The following TRDN variants were observed in gnomAD, a reference collection of about 807,000 sequenced individuals.
TRDN encodes triadin in skeletal muscle.
A neutral mutation model predicts 149.7 loss-of-function variants in TRDN; 161 were observed. The observed-to-expected ratio is 1.08, with a 90% CI of 0.95 to 1.23. TRDN has a LOEUF of 1.23. Ranked by LOEUF, TRDN falls within the 50% of genes most tolerant of loss-of-function variation. The pLI is 0.00. For synonymous variants in TRDN, 294 were observed against 250.5 expected, an observed-to-expected ratio of 1.17 and a Z score of -1.64; for missense variants, 896 against 823.5, an observed-to-expected ratio of 1.09 and a Z score of -1.08.
intron 23 of TRDN, among the ~76,000 whole-genome samples, chr6:123,322,405 C>T (rs1422561431): frequency 6.6e-6 from 1 of 152,026 alleles, no homozygotes; most frequent in Admixed American, 6.6e-5. Flanking sequence ...TTTCCATTTT[C>T]TAATCTTTTG....
intron 10 of TRDN, among the ~76,000 whole-genome samples, chr6:123,451,559 G>T (rs1398773733): frequency 6.6e-6 from 1 of 151,960 alleles, no homozygotes; most frequent in African/African-American, 2.4e-5. Context: ...GGAAGAATTA[G>T]ATACCCTAAG....
chr6:123,429,733 TATG>T (rs1427895329), intron 12 of TRDN, among the ~76,000 whole-genome samples: 2 of 152,220 alleles, frequency 1.3e-5, no homozygotes, highest in African/African-American at 4.8e-5. Flanking sequence ...CAGGAAAATT[TATG>T]ATATTTGCAA....
intron 5 of TRDN, among the ~76,000 whole-genome samples, chr6:123,516,965 C>T (rs1336610446): frequency 1.3e-5 from 2 of 151,802 alleles, no homozygotes; most frequent in Non-Finnish European, 2.9e-5. Flanking sequence ...TATTATTTTC[C>T]CTAACTATCA....
intron 8 of TRDN, 82 bp downstream of exon 8, chr6:123,503,637 T>G (rs771530807): frequency 4.4e-6 from 7 of 1,579,400 alleles, no homozygotes; most frequent in Non-Finnish European, 6.0e-6. Context: ...TTTGGTCTTT[T>G]TCAACTTTTA....
At chr6:123,567,580 G>T (rs146528862) in intron 2 of TRDN, among the ~76,000 whole-genome samples, 1 of 152,062 alleles carries the variant, frequency 6.6e-6, no homozygotes, top group African/African-American at 2.4e-5. Context: ...TGAAGGGAAG[G>T]GGTAGCAGGC....
intron 10 of TRDN, chr6:123,464,463 A>G: frequency 1.0e-6 from 1 of 976,624 alleles, no homozygotes; most frequent in Non-Finnish European, 1.2e-6. Context: ...ATCATCTTAG[A>G]GATGGCAAAA....
intron 12 of TRDN, among the ~76,000 whole-genome samples, chr6:123,412,222 C>A (rs903425654): frequency 2.0e-5 from 3 of 152,148 alleles, no homozygotes; most frequent in African/African-American, 7.2e-5. Context: ...CAATTTACTT[C>A]CCAAGTCTAT....
At chr6:123,239,298 A>G (rs964459927) in intron 38 of TRDN, among the ~76,000 whole-genome samples, 3 of 152,184 alleles carry the variant, frequency 2.0e-5, no homozygotes, top group African/African-American at 7.2e-5. Flanking sequence ...ATAAACTGAT[A>G]ATTTCTCATC....
At chr6:123,588,170 G>C (rs566123041) in intron 1 of TRDN, among the ~76,000 whole-genome samples, 3 of 152,170 alleles carry the variant, frequency 2.0e-5, no homozygotes. Context: ...ATTCTCTACA[G>C]AATGTAGATT....
At chr6:123,398,231 T>A (rs1772815400) in intron 12 of TRDN, among the ~76,000 whole-genome samples, 1 of 152,214 alleles carries the variant, frequency 6.6e-6, no homozygotes, top group Admixed American at 6.5e-5. Flanking sequence ...GGTCTCGAAC[T>A]GCTGACCTCG....
At chr6:123,292,333 C>T (rs555105390) in intron 24 of TRDN, among the ~76,000 whole-genome samples, 18 of 152,214 alleles carry the variant, frequency 1.2e-4, no homozygotes, top group African/African-American at 4.3e-4. Flanking sequence ...TGGGTGGACA[C>T]TTATTGGCCC....
intron 2 of TRDN, among the ~76,000 whole-genome samples, chr6:123,559,372 G>A (rs994408139): frequency 1.3e-5 from 2 of 151,978 alleles, no homozygotes; most frequent in African/African-American, 4.8e-5. Flanking sequence ...ATCCCCACCT[G>A]CCCAGTTCCC....
chr6:123,504,028 T>C, intron 7 of TRDN, 127 bp from the exon 8 acceptor site: 1 of 996,712 alleles, frequency 1.0e-6, no homozygotes. Context: ...AGTGTTTATG[T>C]TAAGAACAGT....
intron 23 of TRDN, among the ~76,000 whole-genome samples, chr6:123,320,406 A>G (rs1779198654): frequency 6.6e-6 from 1 of 152,018 alleles, no homozygotes; most frequent in Non-Finnish European, 1.5e-5. Context: ...CTAATACATG[A>G]TAGTGCTTAG....
chr6:123,290,378 T>C (rs7740966), intron 24 of TRDN, among the ~76,000 whole-genome samples: 78,804 of 151,786 alleles, frequency 0.52, 20,956 homozygotes, highest in Admixed American at 0.59. Context: ...TGAAATTGGC[T>C]TATAAATAAA....
intron 7 of TRDN, among the ~76,000 whole-genome samples, chr6:123,510,652 T>C (rs1779129773): frequency 6.6e-6 from 1 of 151,788 alleles, no homozygotes; most frequent in African/African-American, 2.4e-5. Flanking sequence ...CTTTTTTTTT[T>C]TTTTTTTTAT....
chr6:123,560,771 T>C (rs1228146058), intron 2 of TRDN, among the ~76,000 whole-genome samples: 1 of 152,066 alleles, frequency 6.6e-6, no homozygotes, highest in Non-Finnish European at 1.5e-5. Flanking sequence ...CCAAAGAAAA[T>C]ATCCCCTTCC....
At chr6:123,332,762 T>C (rs1192239735) in intron 22 of TRDN, among the ~76,000 whole-genome samples, 2 of 152,046 alleles carry the variant, frequency 1.3e-5, no homozygotes, top group African/African-American at 2.4e-5. Flanking sequence ...ATTCCCACCA[T>C]ATTATTTGGG....
Position 123,503,371 on chromosome 6 carries a change from C to T in TRDN, c.793+348G>A, listed in dbSNP as rs192761974. On this transcript the variant is annotated intron_variant, in intron 8 of 40. Transcript: ENST00000334268. ...GTCATTTTGGGGGACCACTTTCCTC[C>T]AAAGAGTATGACACATACAATCTTT... is the stretch of plus-strand genomic sequence containing the variant. 837 of 985,282 alleles carry T rather than the reference C, an allele frequency of 8.5e-4. 2 individuals are homozygous for T. The highest frequency in any genetic ancestry group is 9.4e-4 in the Non-Finnish European group (780 of 829,882). The allele number at this position is 985,282 out of a possible 1,614,324, so 61.0% of individuals were successfully genotyped here. A position where few individuals can be genotyped will look rare whatever the true frequency, so the allele number is the denominator to read the frequency against.
Sources: gnomAD v4.1 joint callset for allele counts (sites outside exome capture counted in the v4.1 genomes callset) on GRCh38, gnomAD v4.1.1 for gene constraint, MANE v1.5 for transcripts, NCBI Gene and HGNC (gene_info 2026-07-23, HGNC 2026-07-21) for gene names.